Variants in PLCL2 observed in about 807,000 individuals in gnomAD.
The protein encoded by PLCL2 is inactive phospholipase C-like protein 2.
Under a neutral mutation model 79.6 loss-of-function variants are expected in PLCL2, and 4 were observed. That is an observed-to-expected ratio of 0.05 (90% confidence interval 0.02 to 0.11). PLCL2 has a LOEUF of 0.11. Ranked by LOEUF, PLCL2 falls within the 10% of genes least tolerant of loss-of-function variation. The pLI is 1.00. For missense variants in PLCL2, 895 were observed against 1,291.0 expected (o/e 0.69, Z 4.70); for synonymous variants, 484 against 457.7 (o/e 1.06, Z -0.73).
At chr3:16,909,362 G>C (rs1346036448) in intron 1 of PLCL2, among the ~76,000 whole-genome samples, 1 of 152,090 alleles carries the variant, frequency 6.6e-6, no homozygotes, top group Non-Finnish European at 1.5e-5. Flanking sequence ...CCTCATCTAG[G>C]AAAAGGAAAT....
chr3:17,038,767 G>A (rs2124916753), intron 3 of PLCL2, among the ~76,000 whole-genome samples: 1 of 152,272 alleles, frequency 6.6e-6, no homozygotes, highest in Non-Finnish European at 1.5e-5. Flanking sequence ...ATTGTGTGTA[G>A]CACCTTTTAG....
intron 1 of PLCL2, among the ~76,000 whole-genome samples, chr3:17,001,076 T>C (rs746138520): frequency 3.3e-5 from 5 of 152,102 alleles, no homozygotes; most frequent in Non-Finnish European, 7.4e-5. Flanking sequence ...ACCAGCTTTT[T>C]TTTTCTCTTT....
intron 1 of PLCL2, among the ~76,000 whole-genome samples, chr3:16,951,118 T>C (rs1205242816): frequency 6.6e-6 from 1 of 152,102 alleles, no homozygotes; most frequent in African/African-American, 2.4e-5. Flanking sequence ...CTGAATGGCT[T>C]TCTGTTTTTT....
chr3:16,913,764 A>C (rs1476131523), intron 1 of PLCL2, among the ~76,000 whole-genome samples: 1 of 152,158 alleles, frequency 6.6e-6, no homozygotes, highest in Non-Finnish European at 1.5e-5. Context: ...GTATTGCTAA[A>C]AAGATCTTCA....
intron 1 of PLCL2, among the ~76,000 whole-genome samples, chr3:16,906,331 C>T (rs140612657): frequency 3.3e-5 from 5 of 152,012 alleles, no homozygotes; most frequent in East Asian, 3.9e-4. Flanking sequence ...AATATACAAG[C>T]GAATATGTTC....
At chr3:17,057,165 T>C (rs1186668150) in intron 4 of PLCL2, among the ~76,000 whole-genome samples, 3 of 152,220 alleles carry the variant, frequency 2.0e-5, no homozygotes, top group African/African-American at 7.2e-5. Flanking sequence ...ACACTAGTCA[T>C]GTTCCTCGGG....
At chr3:17,087,647 A>C (rs2065234175) in intron 5 of PLCL2, among the ~76,000 whole-genome samples, 1 of 152,168 alleles carries the variant, frequency 6.6e-6, no homozygotes, top group Non-Finnish European at 1.5e-5. Context: ...TAATTTAGGC[A>C]ATAGACTTGA....
intron 1 of PLCL2, among the ~76,000 whole-genome samples, chr3:16,961,636 C>G (rs79078872): frequency 0.019 from 2,927 of 152,202 alleles, 109 homozygotes; most frequent in African/African-American, 0.066. Context: ...TCCCACCAGA[C>G]AGGAATAACA....
chr3:17,016,359 T>C (rs2124894912), intron 3 of PLCL2, among the ~76,000 whole-genome samples: 1 of 152,342 alleles, frequency 6.6e-6, no homozygotes, highest in South Asian at 2.1e-4. Context: ...CACATTGTAG[T>C]GGGGGCTGTT....
chr3:17,073,141 A>G (rs1462943676), intron 5 of PLCL2, among the ~76,000 whole-genome samples: 1 of 152,160 alleles, frequency 6.6e-6, no homozygotes. Flanking sequence ...AAATTCACCA[A>G]TTTTGAGCAC....
intron 1 of PLCL2, among the ~76,000 whole-genome samples, chr3:16,920,880 C>G (rs1697110041): frequency 6.6e-6 from 1 of 152,102 alleles, no homozygotes; most frequent in South Asian, 2.1e-4. Flanking sequence ...GGTAATTCCA[C>G]ATTTATAGCT....
At chr3:17,081,081 A>T (rs1415696416) in intron 5 of PLCL2, 1 of 432,580 alleles carries the variant, frequency 2.3e-6, no homozygotes, top group Non-Finnish European at 4.7e-6. Context: ...CCTTTTTATG[A>T]AACGAGAATG....
intron 1 of PLCL2, among the ~76,000 whole-genome samples, chr3:16,977,886 G>A (rs1346482019): frequency 1.3e-5 from 2 of 152,194 alleles, no homozygotes; most frequent in African/African-American, 4.8e-5. Flanking sequence ...CTGCTTCATA[G>A]ATGGCACCTA....
chr3:16,978,037 A>G (rs1196975512), intron 1 of PLCL2, among the ~76,000 whole-genome samples: 5 of 152,112 alleles, frequency 3.3e-5, no homozygotes, highest in Non-Finnish European at 7.4e-5. Context: ...ATATTATCAC[A>G]TTGGGGATTA....
intron 1 of PLCL2, among the ~76,000 whole-genome samples, chr3:17,004,643 G>A (rs2064243043): frequency 6.6e-6 from 1 of 151,980 alleles, no homozygotes; most frequent in Non-Finnish European, 1.5e-5. Context: ...TTTTAAAGAT[G>A]TGTGAAAAAC....
chr3:16,909,251 T>C (rs1696819616), intron 1 of PLCL2, among the ~76,000 whole-genome samples: 1 of 152,264 alleles, frequency 6.6e-6, no homozygotes, highest in African/African-American at 2.4e-5. Context: ...ACACTCTCAA[T>C]ATACAGGTTT....
chr3:16,980,374 TCAGA>T (rs994013092), intron 1 of PLCL2, among the ~76,000 whole-genome samples: 10 of 134,192 alleles, frequency 7.5e-5, no homozygotes, highest in African/African-American at 2.6e-4. Context: ...TCCTCACTTC[TCAGA>T]CAGGGCGGCT....
At chr3:16,928,821 G>A (rs1314562454) in intron 1 of PLCL2, among the ~76,000 whole-genome samples, 1 of 152,170 alleles carries the variant, frequency 6.6e-6, no homozygotes, top group East Asian at 1.9e-4. Flanking sequence ...ATTCGGTGAT[G>A]CTATCCTTAT....
chr3:17,028,197 G>C (rs2064539403), intron 3 of PLCL2, among the ~76,000 whole-genome samples: 1 of 152,174 alleles, frequency 6.6e-6, no homozygotes, highest in Non-Finnish European at 1.5e-5. Flanking sequence ...CATCGTCTCT[G>C]AAAACCCCTC....
Sources: gnomAD v4.1 joint callset for allele counts (sites outside exome capture counted in the v4.1 genomes callset) on GRCh38, gnomAD v4.1.1 for gene constraint, MANE v1.5 for transcripts, NCBI Gene and HGNC (gene_info 2026-07-23, HGNC 2026-07-21) for gene names.